ACBD6: variants seen among roughly 807,000 people sequenced by gnomAD.
ACBD6 encodes acyl-CoA-binding domain-containing protein 6.
In ACBD6, 28 loss-of-function variants were observed where a neutral mutation model predicts 37.2. That is an observed-to-expected ratio of 0.75 (90% CI 0.56 to 1.03). The LOEUF (loss-of-function observed/expected upper bound fraction) is 1.03. Ranked by LOEUF, ACBD6 falls within the 50% of genes least tolerant of loss-of-function variation. ACBD6 has a pLI of 0.00. For synonymous variants in ACBD6, 113 were observed against 126.8 expected, an observed-to-expected ratio of 0.89 and a Z score of 0.73; for missense variants, 340 against 337.4, an observed-to-expected ratio of 1.01 and a Z score of -0.06.
At chr1:180,357,944 C>A (rs1251815191) in intron 6 of ACBD6, among the ~76,000 whole-genome samples, 1 of 152,070 alleles carries the variant, frequency 6.6e-6, no homozygotes, top group Non-Finnish European at 1.5e-5. Context: ...TTATAGCCCT[C>A]AATAACATAA....
Position 180,345,493 on chromosome 1 carries a change from C to T in ACBD6, c.664-30771G>A, listed in dbSNP as rs1015609446. On this transcript the variant is annotated intron_variant, in intron 6 of 7. Transcript: ENST00000367595. ...GAAAAAATAAAATCATTTCCTTTCA[C>T]TTAGCATTTCTAGAAAGGTATCCTA... Among the ~76,000 whole-genome samples, 3 of 150,978 alleles carry T rather than the reference C, an allele frequency of 2.0e-5. No homozygotes were observed. The Admixed American group carries it at 2.0e-4, about 10-fold the overall frequency.
intron 3 of ACBD6, among the ~76,000 whole-genome samples, chr1:180,483,209 T>C (rs72716625): frequency 6.6e-6 from 1 of 152,034 alleles, no homozygotes; most frequent in East Asian, 1.9e-4. Flanking sequence ...GTTTCCTCTA[T>C]ACAGAATGTT....
At chr1:180,314,938 A>G (rs1650739571) in intron 6 of ACBD6, among the ~76,000 whole-genome samples, 3 of 152,222 alleles carry the variant, frequency 2.0e-5, no homozygotes, top group Admixed American at 2.0e-4. Context: ...AGCAGCTACA[A>G]TGGAGTAACA....
intron 3 of ACBD6, among the ~76,000 whole-genome samples, chr1:180,481,894 G>A (rs947275141): frequency 1.3e-5 from 2 of 152,122 alleles, no homozygotes; most frequent in African/African-American, 4.8e-5. Context: ...AATCTGACAC[G>A]GTCCTTGCCT....
At chr1:180,441,085 T>C (rs1223526077) in intron 3 of ACBD6, among the ~76,000 whole-genome samples, 1 of 152,162 alleles carries the variant, frequency 6.6e-6, no homozygotes. Context: ...GAATTGGTAA[T>C]TCTATTTTTA....
At chr1:180,342,266 G>A (rs143784667) in intron 6 of ACBD6, among the ~76,000 whole-genome samples, 1 of 152,100 alleles carries the variant, frequency 6.6e-6, no homozygotes, top group Non-Finnish European at 1.5e-5. Flanking sequence ...TGCCTTCCAA[G>A]AGTAGTAGAG....
At chr1:180,307,072 C>G (rs1571341278) in intron 7 of ACBD6, among the ~76,000 whole-genome samples, 1 of 152,196 alleles carries the variant, frequency 6.6e-6, no homozygotes, top group Non-Finnish European at 1.5e-5. Context: ...TGTTGCAGCA[C>G]TGTTCACAAT....
intron 3 of ACBD6, among the ~76,000 whole-genome samples, chr1:180,474,315 T>G (rs1330517873): frequency 1.3e-5 from 2 of 152,132 alleles, no homozygotes; most frequent in Non-Finnish European, 2.9e-5. Flanking sequence ...TTAGAATAGC[T>G]TAAATATAGG....
chr1:180,371,199 C>G (rs1336516667), intron 6 of ACBD6, among the ~76,000 whole-genome samples: 1 of 151,568 alleles, frequency 6.6e-6, no homozygotes, highest in Non-Finnish European at 1.5e-5. Context: ...AAAAAGAGAT[C>G]AAATATATAT....
intron 5 of ACBD6, among the ~76,000 whole-genome samples, 181 bp from the exon 6 acceptor site, chr1:180,397,786 C>T (rs1330762669): frequency 6.6e-6 from 1 of 152,098 alleles, no homozygotes; most frequent in East Asian, 1.9e-4. Context: ...GGCATGGTGG[C>T]TCATGCCTGT....
intron 3 of ACBD6, among the ~76,000 whole-genome samples, chr1:180,479,869 G>A (rs1319345787): frequency 6.6e-6 from 1 of 152,096 alleles, no homozygotes; most frequent in East Asian, 1.9e-4. Flanking sequence ...CGCACCTGTA[G>A]TCCCAGGTAT....
downstream of ACBD6, among the ~76,000 whole-genome samples, chr1:180,284,097 T>TA (rs1358014132): frequency 2.0e-5 from 3 of 152,146 alleles, no homozygotes; most frequent in Non-Finnish European, 4.4e-5. Context: ...GTTAAATAGC[T>TA]TTACCTGTTC....
chr1:180,304,208 G>A lies in ACBD6; in HGVS notation c.694+10484C>T, dbSNP rs751713506. Among the ~76,000 whole-genome samples, 40 of 150,736 alleles carry A rather than the reference G, an allele frequency of 2.7e-4. 2 individuals are homozygous for A. The highest frequency in any genetic ancestry group is 5.3e-4 in the Non-Finnish European group (36 of 67,478). On this transcript the variant is annotated intron_variant, in intron 7 of 7. Transcript: ENST00000367595. ...TTGAAAATGGGCACAAGACAGGGAT[G>A]CCCTCTCTCACCACTCCTATTCAAC...
chr1:180,388,494 T>C (rs1264989527), intron 6 of ACBD6, among the ~76,000 whole-genome samples: 1 of 152,242 alleles, frequency 6.6e-6, no homozygotes, highest in African/African-American at 2.4e-5. Flanking sequence ...TATTTGCCAA[T>C]GATATAATCT....
At chr1:180,388,206 C>G (rs1653921040) in intron 6 of ACBD6, among the ~76,000 whole-genome samples, 1 of 151,684 alleles carries the variant, frequency 6.6e-6, no homozygotes, top group African/African-American at 2.4e-5. Context: ...AAAGAAAACC[C>G]AGAGAAATCA....
exon 10 of ACBD6, chr1:180,274,972 A>C: frequency 5.6e-6 from 1 of 177,030 alleles, no homozygotes; most frequent in Non-Finnish European, 1.2e-5. Context: ...GCCTCCCAAA[A>C]CACTGCTCTC....
At chr1:180,360,285 C>G (rs1394540861) in intron 6 of ACBD6, among the ~76,000 whole-genome samples, 1 of 152,220 alleles carries the variant, frequency 6.6e-6, no homozygotes, top group East Asian at 1.9e-4. Context: ...TGCCCATCCA[C>G]TCAAGACTGT....
chr1:180,458,507 T>C (rs1252347011), intron 3 of ACBD6, among the ~76,000 whole-genome samples: 1 of 152,142 alleles, frequency 6.6e-6, no homozygotes, highest in Non-Finnish European at 1.5e-5. Context: ...TTAAAACATT[T>C]GCCATAAATA....
At chr1:180,411,216 C>T (rs1025379560) in intron 5 of ACBD6, among the ~76,000 whole-genome samples, 2 of 152,058 alleles carry the variant, frequency 1.3e-5, no homozygotes, top group African/African-American at 2.4e-5. Context: ...GAATCTACTC[C>T]GGCGAAGATG....
Sources: allele counts gnomAD v4.1 joint callset (sites outside exome capture counted in the v4.1 genomes callset), GRCh38; gene constraint gnomAD v4.1.1; transcripts MANE v1.5; gene names NCBI Gene and HGNC (gene_info 2026-07-23, HGNC 2026-07-21).